MTSS1: variants seen among roughly 807,000 people sequenced by gnomAD.
MTSS1 encodes the protein protein MTSS 1.
In MTSS1, 18 loss-of-function variants were observed where a neutral mutation model predicts 79.0. The ratio of observed to expected loss-of-function variants is 0.23; its 90% CI spans 0.16 to 0.34. The LOEUF (loss-of-function observed/expected upper bound fraction) is 0.34. Ranked by LOEUF, MTSS1 falls within the 10% of genes least tolerant of loss-of-function variation. The pLI is 1.00. For missense variants in MTSS1, 815 were observed against 986.2 expected, an observed-to-expected ratio of 0.83 and a Z score of 2.33; for synonymous variants, 341 against 368.6, an observed-to-expected ratio of 0.93 and a Z score of 0.86.
intron 3 of MTSS1, among the ~76,000 whole-genome samples, chr8:124,633,427 C>T (rs1816384934): frequency 6.6e-6 from 1 of 152,172 alleles, no homozygotes; most frequent in African/African-American, 2.4e-5. Flanking sequence ...GGCCTTAGCT[C>T]TGACTCTTAT....
chr8:124,556,261 G>T lies in MTSS1; in HGVS notation c.1375C>A (p.Arg459=), dbSNP rs145702575. 1.2e-6 allele frequency: 2 copies of T among 1,614,074 alleles called. No homozygotes were observed. The highest frequency in any genetic ancestry group is 1.3e-5 in the African/African-American group (1 of 74,916). The part of the protein sequence containing the change: ...PAAAEEAQRP[R]SMTVSAATRP... ...GTGGCAGCCGATACAGTCATGCTCC[G>T]TGGTCTCTGAGCCTCCTCAGCTGCT... is the stretch of plus-strand genomic sequence containing the variant. The change falls in exon 12 of 14, where the codon CGG becomes AGG. Residue 459 remains arginine (R), a synonymous_variant. Transcript: ENST00000518547.
intron 6 of MTSS1, among the ~76,000 whole-genome samples, chr8:124,575,183 A>T (rs1487504793): frequency 6.6e-6 from 1 of 152,212 alleles, no homozygotes; most frequent in Non-Finnish European, 1.5e-5. Flanking sequence ...TCCCTTTATA[A>T]GTCATCTTCT....
intron 3 of MTSS1, among the ~76,000 whole-genome samples, chr8:124,653,320 T>A (rs1347394412): frequency 1.3e-5 from 2 of 152,238 alleles, no homozygotes; most frequent in African/African-American, 4.8e-5. Context: ...GTCCATCACA[T>A]TGAAATAAAA....
chr8:124,717,447 G>A (rs113068650), intron 1 of MTSS1, among the ~76,000 whole-genome samples: 3 of 151,660 alleles, frequency 2.0e-5, no homozygotes, highest in Admixed American at 6.6e-5. Flanking sequence ...AGCGAGCCAA[G>A]ATTGCACCAC....
intron 1 of MTSS1, among the ~76,000 whole-genome samples, chr8:124,711,399 G>A (rs532525335): frequency 6.6e-6 from 1 of 152,288 alleles, no homozygotes; most frequent in East Asian, 1.9e-4. Flanking sequence ...CAGAGAGGTT[G>A]GAGCAGAGAG....
At chr8:124,709,670 G>A (rs1830881542) in intron 1 of MTSS1, among the ~76,000 whole-genome samples, 2 of 152,104 alleles carry the variant, frequency 1.3e-5, no homozygotes, top group South Asian at 4.1e-4. Context: ...TTAAAGAAAC[G>A]GGAAGAGAAA....
rs1373169805 is a variant in MTSS1 at position 124,562,656 on chromosome 8, A to T, written c.1035+126T>A. The stretch of plus-strand genomic sequence containing the variant: ...AATACATCTAAAGATGAGAAATTAA[A>T]CCAGAGGTTTCTCAAGTCAGTGGGC... On this transcript the variant is annotated intron_variant, in intron 10 of 13. Transcript: ENST00000518547. 4.3e-6 allele frequency: 4 copies of T among 923,230 alleles called. No homozygotes were observed. The Admixed American group carries it at 7.4e-5, about 17-fold the overall frequency. The allele number at this position is 923,230 out of a possible 1,614,324, so 57.2% of individuals were successfully genotyped here.
chr8:124,567,826 G>C lies in MTSS1; in HGVS notation c.618+553C>G, dbSNP rs1209625586. ...TGCTAGGGCTAAGGGAAATGAGCTG[G>C]TACCTTCGAATCAGCTTCCAGAACG... is the stretch of plus-strand genomic sequence containing the variant. On this transcript the variant is annotated intron_variant, in intron 7 of 13. Transcript: ENST00000518547. 4.0e-6 allele frequency: 6 copies of C among 1,511,682 alleles called. No homozygotes were observed. The African/African-American group carries it at 7.0e-5, about 18-fold the overall frequency. The allele number at this position is 1,511,682 out of a possible 1,614,324, so 93.6% of individuals were successfully genotyped here.
intron 3 of MTSS1, among the ~76,000 whole-genome samples, chr8:124,660,432 GCACACA>G (rs5894719): frequency 0.015 from 2,046 of 140,772 alleles, 28 homozygotes; most frequent in African/African-American, 0.042. Flanking sequence ...CCATGCGCAT[GCACACA>G]CACACACACA....
chr8:124,688,699 C>CAGAGAT (rs1827434488), intron 3 of MTSS1, among the ~76,000 whole-genome samples: 1 of 152,140 alleles, frequency 6.6e-6, no homozygotes, highest in African/African-American at 2.4e-5. Context: ...AGAGACAGAA[C>CAGAGAT]AGAGATTTTT....
rs1563842513 is a variant in MTSS1 at position 124,605,544 on chromosome 8, A to ACTGCCTCCCTCCCTGCCCTCGCG, written c.209-14310_209-14309insCGCGAGGGCAGGGAGGGAGGCAG. ...GGGACTCTGCGGAGACAGCCCTCGC[A>ACTGCCTCCCTCCCTGCCCTCGCG]CTGCCTCCCTCCCTGCCCTCTCGCT... On this transcript the variant is annotated intron_variant, in intron 3 of 13. Transcript: ENST00000518547. Among the ~76,000 whole-genome samples the ACTGCCTCCCTCCCTGCCCTCGCG allele has an allele frequency of 4.5e-3, 602 of 132,794 alleles. 8 individuals carry two copies. Among genetic ancestry groups the ACTGCCTCCCTCCCTGCCCTCGCG allele is most frequent in the South Asian group, 0.014 (54 of 3,858 alleles). 87.1% of individuals were successfully genotyped at this position (132,794 alleles called of 152,430 possible).
intron 3 of MTSS1, among the ~76,000 whole-genome samples, chr8:124,613,540 A>T (rs1405250367): frequency 2.0e-5 from 3 of 152,228 alleles, no homozygotes; most frequent in Admixed American, 2.0e-4. Context: ...TTCATGTATC[A>T]ACTCCTATGC....
At chr8:124,611,492 C>G (rs1298728409) in intron 3 of MTSS1, among the ~76,000 whole-genome samples, 1 of 152,112 alleles carries the variant, frequency 6.6e-6, no homozygotes, top group African/African-American at 2.4e-5. Context: ...AAGACAGGTG[C>G]CTGGGATACT....
intron 3 of MTSS1, among the ~76,000 whole-genome samples, chr8:124,606,361 C>G (rs1834884399): frequency 1.3e-5 from 2 of 151,776 alleles, no homozygotes; most frequent in South Asian, 4.1e-4. Context: ...GTTGGCCAGG[C>G]TGGTCTCAAA....
At chr8:124,596,154 G>A (rs1235469764) in intron 3 of MTSS1, among the ~76,000 whole-genome samples, 1 of 152,138 alleles carries the variant, frequency 6.6e-6, no homozygotes, top group East Asian at 1.9e-4. Flanking sequence ...CTTCCTCTGG[G>A]CCTGGCACCC....
At chr8:124,718,647 G>A (rs1423466675) in intron 1 of MTSS1, among the ~76,000 whole-genome samples, 1 of 152,152 alleles carries the variant, frequency 6.6e-6, no homozygotes, top group Non-Finnish European at 1.5e-5. Flanking sequence ...CCTCAAAAGG[G>A]AGGTCTCCCT....
chr8:124,599,542 A>G lies in MTSS1; in HGVS notation c.209-8307T>C, dbSNP rs113628203. The stretch of plus-strand genomic sequence containing the variant: ...AAAAGAAAAAAGAAATGAAAGATCT[A>G]AGTAAAGTGGAAATCTTTGGTTCCT... On this transcript the variant is annotated intron_variant, in intron 3 of 13. Transcript: ENST00000518547. 5.4e-3 allele frequency among the ~76,000 whole-genome samples: 815 copies of G among 152,218 alleles called. 4 individuals carry two copies. The highest frequency in any genetic ancestry group is 0.019 in the African/African-American group (787 of 41,530).
At chr8:124,631,553 G>A (rs1329011778) in intron 3 of MTSS1, among the ~76,000 whole-genome samples, 1 of 152,114 alleles carries the variant, frequency 6.6e-6, no homozygotes, top group Admixed American at 6.5e-5. Flanking sequence ...CTTAACTCCT[G>A]GTCAATGCCA....
At chr8:124,636,383 G>A (rs1429533082) in intron 3 of MTSS1, among the ~76,000 whole-genome samples, 1 of 152,072 alleles carries the variant, frequency 6.6e-6, no homozygotes, top group Non-Finnish European at 1.5e-5. Context: ...CGCCTGCCTC[G>A]GCCTCCCAAA....
Sources: gnomAD v4.1 joint callset for allele counts (sites outside exome capture counted in the v4.1 genomes callset) on GRCh38, gnomAD v4.1.1 for gene constraint, MANE v1.5 for transcripts, NCBI Gene and HGNC (gene_info 2026-07-23, HGNC 2026-07-21) for gene names.